Variants in MAN2A1 observed in about 807,000 individuals in gnomAD.
MAN2A1 encodes the protein mannosidase alpha class 2A member 1.
MAN2A1 carries 76 observed loss-of-function variants against 142.6 expected under a neutral mutation model. That is an observed-to-expected ratio of 0.53 (90% CI 0.44 to 0.65). The LOEUF (loss-of-function observed/expected upper bound fraction) is 0.65. MAN2A1 is among the 30% of genes least tolerant of loss of function. MAN2A1 has a pLI of 0.00. For synonymous variants in MAN2A1, 559 were observed against 473.2 expected (o/e 1.18, Z -2.35); for missense variants, 1,311 against 1,365.1 (o/e 0.96, Z 0.62).
chr5:109,844,291 T>C (rs1330634673), intron 17 of MAN2A1, among the ~76,000 whole-genome samples: 1 of 152,204 alleles, frequency 6.6e-6, no homozygotes, highest in Non-Finnish European at 1.5e-5. Flanking sequence ...GCTTTTAAAA[T>C]TGACCATTTT....
intron 16 of MAN2A1, among the ~76,000 whole-genome samples, chr5:109,825,104 T>C (rs1754721994): frequency 6.6e-6 from 1 of 152,192 alleles, no homozygotes; most frequent in Non-Finnish European, 1.5e-5. Context: ...AGTTCTGAAA[T>C]AATCTTCTAT....
At position 109,781,449 on chromosome 5, in the gene MAN2A1, A is replaced by G. The variant is rs112051679; in HGVS notation, c.1428A>G (p.Glu476=). The change falls in exon 9 of 22, where the codon GAA becomes GAG. Residue 476 remains glutamate, a synonymous_variant. Transcript: ENST00000261483. ...TTGATGCGCTGGATAAAGCAGATGA[A>G]ACTCAGAGAGACAAGGGCCAATCGA... The part of the protein sequence containing the change: ...DFFDALDKAD[E]TQRDKGQSMF... The G allele has an allele frequency of 6.2e-7, 1 of 1,612,828 alleles. No individual in the cohort carries two copies. The highest frequency in any genetic ancestry group is 8.5e-7 in the Non-Finnish European group (1 of 1,179,718).
chr5:109,711,788 C>G (rs1751308630), intron 1 of MAN2A1, among the ~76,000 whole-genome samples: 1 of 152,154 alleles, frequency 6.6e-6, no homozygotes. Context: ...TGTGCTAAAA[C>G]TTTTTCTTGT....
At chr5:109,710,478 A>G (rs2112557743) in intron 1 of MAN2A1, among the ~76,000 whole-genome samples, 1 of 152,214 alleles carries the variant, frequency 6.6e-6, no homozygotes, top group East Asian at 1.9e-4. Context: ...TTGTAGTATT[A>G]TAATATTGTA....
At chr5:109,739,465 C>T (rs972599573) in intron 4 of MAN2A1, among the ~76,000 whole-genome samples, 2 of 151,964 alleles carry the variant, frequency 1.3e-5, no homozygotes, top group Non-Finnish European at 2.9e-5. Flanking sequence ...GTTGTATTTA[C>T]TGTGTTTTGG....
rs867995992 is a variant in MAN2A1, at chr5:109,743,570, T to G, written c.708-11759T>G. On this transcript the variant is annotated intron_variant, in intron 4 of 21. Transcript: ENST00000261483. ...ATAGTGGGCAAATAATCTTCACCTC[T>G]GTGGTGCTCTGCCTTTCCACCTCCC... is the stretch of plus-strand genomic sequence containing the variant. 2.6e-5 allele frequency among the ~76,000 whole-genome samples: 4 copies of G among 152,184 alleles called. No homozygotes were observed. In the South Asian group the frequency reaches 8.3e-4, roughly 31 times the overall value.
intron 7 of MAN2A1, 100 bp downstream of exon 7, chr5:109,770,641 T>A (rs1561503375): frequency 7.7e-6 from 8 of 1,043,484 alleles, no homozygotes; most frequent in Non-Finnish European, 1.1e-5. Context: ...TTAGCCAACA[T>A]TATCCTTGTT....
chr5:109,698,514 G>A (rs1750878744), intron 1 of MAN2A1, among the ~76,000 whole-genome samples: 1 of 152,082 alleles, frequency 6.6e-6, no homozygotes, highest in Non-Finnish European at 1.5e-5. Context: ...GTAGTATTAA[G>A]GTTAGTGTTA....
intron 1 of MAN2A1, among the ~76,000 whole-genome samples, chr5:109,695,656 C>T (rs1464575629): frequency 6.6e-6 from 1 of 152,066 alleles, no homozygotes; most frequent in African/African-American, 2.4e-5. Flanking sequence ...ATTGTAAAGG[C>T]CTTATTGCAT....
chr5:109,716,454 A>G (rs1751455323), intron 3 of MAN2A1, among the ~76,000 whole-genome samples, 190 bp downstream of exon 3: 1 of 152,194 alleles, frequency 6.6e-6, no homozygotes, highest in Non-Finnish European at 1.5e-5. Flanking sequence ...TGTGCCATTC[A>G]AGGATAGTAT....
At chr5:109,826,379 T>C (rs1444109065) in intron 16 of MAN2A1, among the ~76,000 whole-genome samples, 3 of 152,206 alleles carry the variant, frequency 2.0e-5, no homozygotes, top group Non-Finnish European at 4.4e-5. Flanking sequence ...AGCCGTCATA[T>C]ATAAACTGGA....
At position 109,727,780 on chromosome 5, in the gene MAN2A1, C is replaced by T. The variant is rs572469721; in HGVS notation, c.536-1562C>T. ...TGGTATGGTCATCAGGGAGTTAGGG[C>T]ATCTGGGTTGGTTGGACTTTCTGGG... On this transcript the variant is annotated intron_variant, in intron 3 of 21. Coordinates refer to ENST00000261483, the MANE Select transcript of MAN2A1 (RefSeq NM_002372.4). 2.6e-5 allele frequency among the ~76,000 whole-genome samples: 4 copies of T among 152,224 alleles called. No individual in the cohort carries two copies. In the South Asian group the frequency reaches 8.3e-4, roughly 32 times the overall value.
In MAN2A1 at chr5:109,804,342, G is replaced by A. The variant is rs1175436664; in HGVS notation, c.1944-12931G>A. The stretch of plus-strand genomic sequence containing the variant: ...ATTTCATCCTTATTCAGAGAGTAGC[G>A]CTTTTTTTAAAATTTTTATTTTTTT... On this transcript the variant is annotated intron_variant, in intron 12 of 21. Coordinates refer to ENST00000261483, the MANE Select transcript of MAN2A1 (RefSeq NM_002372.4). The A allele has an allele frequency of 9.6e-6, 9 of 937,568 alleles. No homozygotes were observed. The East Asian group carries it at 4.7e-4, about 49-fold the overall frequency. The allele number at this position is 937,568 out of a possible 1,614,324, so 58.1% of individuals were successfully genotyped here.
intron 20 of MAN2A1, among the ~76,000 whole-genome samples, chr5:109,857,862 G>A (rs974074745): frequency 6.6e-6 from 1 of 152,130 alleles, no homozygotes; most frequent in African/African-American, 2.4e-5. Flanking sequence ...GGACAGGTGG[G>A]CCACCCTCCC....
chr5:109,781,334 G>A lies in MAN2A1; in HGVS notation c.1375-62G>A, dbSNP rs1158054796. The A allele has an allele frequency of 4.4e-6, 4 of 909,650 alleles. No homozygotes were observed. The African/African-American group carries it at 5.1e-5, about 12-fold the overall frequency. The allele number at this position is 909,650 out of a possible 1,614,324, so 56.3% of individuals were successfully genotyped here. On this transcript the variant is annotated intron_variant, in intron 8 of 21. Transcript: ENST00000261483. ...TATTTATTATTAACTTTCCCTAACA[G>A]TGTAAGAAGTAAATAATTTTAAGAT... is the stretch of plus-strand genomic sequence containing the variant.
At chr5:109,783,428 A>C (rs1030954076) in intron 9 of MAN2A1, among the ~76,000 whole-genome samples, 3 of 152,200 alleles carry the variant, frequency 2.0e-5, no homozygotes, top group African/African-American at 7.2e-5. Flanking sequence ...TACTCCTTTT[A>C]AAACCAGGAA....
At chr5:109,757,836 T>A (rs1752729484) in intron 5 of MAN2A1, among the ~76,000 whole-genome samples, 1 of 152,166 alleles carries the variant, frequency 6.6e-6, no homozygotes. Context: ...GGCATAATAT[T>A]TTCAAGGCTC....
At chr5:109,866,795 C>A in intron 21 of MAN2A1, 51 bp from the exon 22 acceptor site, 1 of 1,235,498 alleles carries the variant, frequency 8.1e-7, no homozygotes, top group Non-Finnish European at 1.2e-6. Context: ...AGTTGTGCTG[C>A]TAATCTTCAA....
At position 109,842,075 on chromosome 5, in the gene MAN2A1, C is replaced by G. The variant is rs143127981; in HGVS notation, c.2567-253C>G. Among the ~76,000 whole-genome samples the G allele has an allele frequency of 1.7e-3, 257 of 152,318 alleles. 1 individual carries two copies. Among genetic ancestry groups the G allele is most frequent in the African/African-American group, 6.1e-3 (252 of 41,572 alleles). ...GAATCATTTACATGTTATACATCAT[C>G]TACATTTTTCTCATCCCAGCTGCTT... is the stretch of plus-strand genomic sequence containing the variant. On this transcript the variant is annotated intron_variant, in intron 16 of 21. Transcript: ENST00000261483.
Sources: gnomAD v4.1 joint callset for allele counts (sites outside exome capture counted in the v4.1 genomes callset) on GRCh38, gnomAD v4.1.1 for gene constraint, MANE v1.5 for transcripts, NCBI Gene and HGNC (gene_info 2026-07-23, HGNC 2026-07-21) for gene names.